The following VPS13D variants were observed in gnomAD, a reference collection of about 807,000 sequenced individuals.
VPS13D encodes intermembrane lipid transfer protein VPS13D.
VPS13D carries 187 observed loss-of-function variants against 461.9 expected under a neutral mutation model. The observed-to-expected ratio is 0.40, with a 90% CI of 0.36 to 0.46. VPS13D has a LOEUF of 0.46. VPS13D is among the 20% of genes least tolerant of loss of function. The pLI, the probability that VPS13D is intolerant of heterozygous loss-of-function variation, is 0.60. For missense variants in VPS13D, 4,711 were observed against 5,364.9 expected, an observed-to-expected ratio of 0.88 and a Z score of 3.81; for synonymous variants, 1,951 against 1,986.3, an observed-to-expected ratio of 0.98 and a Z score of 0.47.
At chr1:12,396,566 A>C (rs1644501972) in intron 60 of VPS13D, among the ~76,000 whole-genome samples, 1 of 152,202 alleles carries the variant, frequency 6.6e-6, no homozygotes, top group African/African-American at 2.4e-5. Flanking sequence ...CCAGAAGAAG[A>C]ATCCAAAGCC....
chr1:12,325,322 C>T (rs1460152737), intron 35 of VPS13D, among the ~76,000 whole-genome samples: 4 of 152,100 alleles, frequency 2.6e-5, no homozygotes, highest in African/African-American at 9.6e-5. Context: ...TGCAGTGGCG[C>T]GATCTTGGCC....
chr1:12,267,684 G>A (rs1265611319), intron 14 of VPS13D, among the ~76,000 whole-genome samples, 161 bp from the exon 15 acceptor site: 3 of 152,164 alleles, frequency 2.0e-5, no homozygotes, highest in African/African-American at 7.2e-5. Context: ...TGGAAAAAGG[G>A]CAGAAAACGA....
intron 67 of VPS13D, among the ~76,000 whole-genome samples, chr1:12,482,937 A>G (rs1396168120): frequency 6.6e-6 from 1 of 152,202 alleles, no homozygotes; most frequent in Non-Finnish European, 1.5e-5. Flanking sequence ...TAATACAAAT[A>G]TTCCATAAGC....
At chr1:12,300,966 C>T (rs190854506) in intron 25 of VPS13D, among the ~76,000 whole-genome samples, 1 of 152,286 alleles carries the variant, frequency 6.6e-6, no homozygotes, top group East Asian at 1.9e-4. Context: ...TACTGAAATT[C>T]CCAGCTACTT....
At chr1:12,339,006 CG>C (rs1240929539) in intron 40 of VPS13D, among the ~76,000 whole-genome samples, 4 of 151,820 alleles carry the variant, frequency 2.6e-5, no homozygotes, top group African/African-American at 9.7e-5. Flanking sequence ...CCAGATTATT[CG>C]TCATGATTTT....
At chr1:12,304,827 A>G (rs771633749) in intron 26 of VPS13D, 99 bp downstream of exon 26, 52 of 1,170,398 alleles carry the variant, frequency 4.4e-5, no homozygotes, top group Non-Finnish European at 6.0e-5. Flanking sequence ...AGCAAATGTT[A>G]ACGAAGAGAT....
intron 12 of VPS13D, 63 bp from the exon 13 acceptor site, chr1:12,261,838 C>A: frequency 7.1e-7 from 1 of 1,404,888 alleles, no homozygotes; most frequent in Non-Finnish European, 9.7e-7. Flanking sequence ...GATCAGTCTG[C>A]TTGCTGGTGC....
At chr1:12,323,372 C>G (rs1000388350) in intron 34 of VPS13D, among the ~76,000 whole-genome samples, 1 of 152,008 alleles carries the variant, frequency 6.6e-6, no homozygotes, top group African/African-American at 2.4e-5. Context: ...CACTACTGTG[C>G]CCACCTCTAA....
intron 60 of VPS13D, among the ~76,000 whole-genome samples, chr1:12,392,058 T>G (rs1488583037): frequency 6.6e-6 from 1 of 152,170 alleles, no homozygotes; most frequent in East Asian, 1.9e-4. Context: ...ACAGGGATCT[T>G]GCCGTGTTGG....
Position 12,442,964 on chromosome 1 carries a change from T to G in VPS13D, c.12334-13034T>G, listed in dbSNP as rs1216122535. Among the ~76,000 whole-genome samples, 3 of 152,240 alleles carry G rather than the reference T, an allele frequency of 2.0e-5. No individual in the cohort carries two copies. The East Asian group carries it at 5.8e-4, about 29-fold the overall frequency. ...ACAAGTTCCATTACATTTTTTAAAT[T>G]GTAGAAGAGTTGATCATTAGAATAT... On this transcript the variant is annotated intron_variant, in intron 65 of 69. Transcript: ENST00000620676.
At chr1:12,442,684 G>A (rs572101507) in intron 65 of VPS13D, among the ~76,000 whole-genome samples, 42 of 149,874 alleles carry the variant, frequency 2.8e-4, no homozygotes, top group South Asian at 2.5e-3. Flanking sequence ...CAGCCTTTAC[G>A]TCTCCTGGGC....
rs372476933 is a variant in VPS13D, at chr1:12,243,247, G to A, written c.175+657G>A. Among the ~76,000 whole-genome samples, 11 of 152,036 alleles carry A rather than the reference G, an allele frequency of 7.2e-5. No homozygotes were observed. In the East Asian group the frequency reaches 7.7e-4, roughly 11 times the overall value. On this transcript the variant is annotated intron_variant, in intron 3 of 69. Transcript: ENST00000620676. ...TGGGATTACGGGCGTGAGCCACCAT[G>A]CCTGGCCTCCTTTTTATTTATGTAT...
At position 12,477,785 on chromosome 1, in the gene VPS13D, G is replaced by A. The variant is rs373492988; in HGVS notation, c.12662+17389G>A. 2.5e-4 allele frequency among the ~76,000 whole-genome samples: 38 copies of A among 152,096 alleles called. No individual in the cohort carries two copies. The East Asian group carries it at 5.2e-3, about 21-fold the overall frequency. On this transcript the variant is annotated intron_variant, in intron 67 of 69. Coordinates refer to ENST00000620676, the MANE Select transcript of VPS13D (RefSeq NM_015378.4). Reference sequence around the variant, plus strand: ...TATCCCTCCCTTATAGCCAAAGACCGAAAAATAAATTTTTTTTTTCTACAT... The same window carrying A: ...TATCCCTCCCTTATAGCCAAAGACCAAAAAATAAATTTTTTTTTTCTACAT...
At chr1:12,323,666 T>C (rs1643103216) in intron 34 of VPS13D, 40 bp from the exon 35 acceptor site, 2 of 1,577,092 alleles carry the variant, frequency 1.3e-6, no homozygotes, top group South Asian at 2.3e-5. Flanking sequence ...TTAATTTACA[T>C]AAAATTATTT....
intron 67 of VPS13D, among the ~76,000 whole-genome samples, chr1:12,478,085 G>A (rs1177574629): frequency 1.3e-5 from 2 of 152,186 alleles, no homozygotes; most frequent in African/African-American, 2.4e-5. Flanking sequence ...GGAGCAGCTC[G>A]GGGCCTATAT....
chr1:12,378,357 T>C, intron 55 of VPS13D, 71 bp from the exon 56 acceptor site: 3 of 1,430,226 alleles, frequency 2.1e-6, no homozygotes, highest in Non-Finnish European at 2.8e-6. Flanking sequence ...TAGAGGAAGC[T>C]CTTGAAGTGA....
chr1:12,342,781 C>A (rs535604992), intron 41 of VPS13D, 118 bp from the exon 42 acceptor site: 3 of 1,220,640 alleles, frequency 2.5e-6, no homozygotes, highest in Non-Finnish European at 3.3e-6. Context: ...CTAGGTCATG[C>A]AGCCTTTTAT....
intron 54 of VPS13D, among the ~76,000 whole-genome samples, chr1:12,373,321 G>T (rs1018477063): frequency 1.3e-5 from 2 of 151,750 alleles, no homozygotes; most frequent in African/African-American, 2.4e-5. Flanking sequence ...GGATTTTGCC[G>T]TGTTGGTCAG....
chr1:12,238,125 A>T (rs1640218164), intron 2 of VPS13D, among the ~76,000 whole-genome samples: 1 of 150,730 alleles, frequency 6.6e-6, no homozygotes, highest in Non-Finnish European at 1.5e-5. Context: ...CTGTACTCCA[A>T]CCTGGGTGAC....
Sources: gnomAD v4.1 joint callset for allele counts (sites outside exome capture counted in the v4.1 genomes callset) on GRCh38, gnomAD v4.1.1 for gene constraint, MANE v1.5 for transcripts, NCBI Gene and HGNC (gene_info 2026-07-23, HGNC 2026-07-21) for gene names.